The following MAP3K7 variants were observed in gnomAD, a reference collection of about 807,000 sequenced individuals.
MAP3K7 encodes the protein TGF-beta activated kinase 1.
In MAP3K7, 21 loss-of-function variants were observed where a neutral mutation model predicts 84.8. That is an observed-to-expected ratio of 0.25 (90% confidence interval 0.18 to 0.36). The LOEUF (loss-of-function observed/expected upper bound fraction) is 0.36. Among genes scored for constraint, MAP3K7 ranks in the 10% least tolerant of loss-of-function variants. MAP3K7 has a pLI of 1.00. For missense variants in MAP3K7, 503 were observed against 747.7 expected, an observed-to-expected ratio of 0.67 and a Z score of 3.82; for synonymous variants, 241 against 247.7, an observed-to-expected ratio of 0.97 and a Z score of 0.25.
intron 6 of MAP3K7, among the ~76,000 whole-genome samples, chr6:90,555,022 T>C (rs923800542): frequency 6.6e-6 from 1 of 152,238 alleles, no homozygotes. Flanking sequence ...TCTGATTAAC[T>C]GAATGTATCT....
intron 16 of MAP3K7, 21 bp downstream of exon 16, chr6:90,518,426 T>C (rs1251949620): frequency 1.6e-6 from 2 of 1,251,330 alleles, no homozygotes; most frequent in Admixed American, 3.7e-5. Context: ...TTTTTATTTT[T>C]ATTCATAAAA....
intron 13 of MAP3K7, among the ~76,000 whole-genome samples, chr6:90,531,103 T>C (rs1775492210): frequency 6.6e-6 from 1 of 152,164 alleles, no homozygotes; most frequent in Admixed American, 6.5e-5. Context: ...AAAAGAATAC[T>C]AAGCCAAATT....
chr6:90,546,843 G>A (rs1051346228), intron 11 of MAP3K7, among the ~76,000 whole-genome samples: 38 of 152,044 alleles, frequency 2.5e-4, no homozygotes, highest in Non-Finnish European at 5.1e-4. Context: ...ACATGGATCT[G>A]GAATACATTT....
intron 5 of MAP3K7, among the ~76,000 whole-genome samples, chr6:90,557,261 G>T (rs1336674644): frequency 6.6e-6 from 1 of 152,146 alleles, no homozygotes; most frequent in East Asian, 1.9e-4. Context: ...CAGTCACCAA[G>T]TAGCATACTC....
intron 9 of MAP3K7, 23 bp from the exon 10 acceptor site, chr6:90,548,200 T>C: frequency 2.5e-6 from 4 of 1,594,314 alleles, no homozygotes; most frequent in Non-Finnish European, 3.4e-6. Context: ...GAAACATTTA[T>C]GACTAATGGC....
intron 13 of MAP3K7, among the ~76,000 whole-genome samples, chr6:90,533,989 A>T (rs1477394227): frequency 4.0e-5 from 6 of 151,348 alleles, no homozygotes; most frequent in Admixed American, 1.3e-4. Flanking sequence ...TTACACCTAT[A>T]CTTATATCAT....
chr6:90,536,225 C>T (rs1456176957), intron 13 of MAP3K7, 112 bp downstream of exon 13: 4 of 733,212 alleles, frequency 5.5e-6, no homozygotes, highest in East Asian at 5.3e-5. Context: ...ATGAATTTCT[C>T]TATCACAACT....
At chr6:90,564,555 C>T (rs1195089767) in intron 3 of MAP3K7, among the ~76,000 whole-genome samples, 1 of 152,134 alleles carries the variant, frequency 6.6e-6, no homozygotes. Flanking sequence ...TACAGGAGCA[C>T]CCAGATTCAT....
chr6:90,535,228 T>C (rs1419156599), intron 13 of MAP3K7, among the ~76,000 whole-genome samples: 2 of 152,036 alleles, frequency 1.3e-5, no homozygotes, highest in Non-Finnish European at 2.9e-5. Flanking sequence ...TTGATGGGTA[T>C]AAAAGACTTT....
In MAP3K7 at chr6:90,561,018, G is replaced by A. The variant is rs537927809; in HGVS notation, c.343+604C>T. ...TATCCATCACAATGATGAACACATG[G>A]GCAGTAAATATAAGTAAAAGTTTAC... On this transcript the variant is annotated intron_variant, in intron 4 of 16. Coordinates refer to ENST00000369329, the MANE Select transcript of MAP3K7 (RefSeq NM_145331.3). Among the ~76,000 whole-genome samples the A allele has an allele frequency of 1.6e-4, 25 of 151,848 alleles. No individual in the cohort carries two copies. The South Asian group carries it at 4.2e-3, about 25-fold the overall frequency.
chr6:90,525,218 G>T (rs563087622), intron 13 of MAP3K7, among the ~76,000 whole-genome samples: 7 of 151,962 alleles, frequency 4.6e-5, no homozygotes, highest in Admixed American at 1.3e-4. Context: ...AGAAAACCAG[G>T]CAAAAACTAC....
chr6:90,571,694 T>C lies in MAP3K7; in HGVS notation c.231+3A>G. On this transcript the variant is annotated splice_donor_region_variant and intron_variant, in intron 2 of 16. Coordinates refer to ENST00000369329, the MANE Select transcript of MAP3K7 (RefSeq NM_145331.3). ...ACACAAAAGAAATGAAATCTCAACT[T>C]ACCTCTACAATAAACGCTTTCCTCT... 6.5e-7 allele frequency: 1 copy of C among 1,544,088 alleles called. No individual in the cohort carries two copies. The highest frequency in any genetic ancestry group is 8.8e-7 in the Non-Finnish European group (1 of 1,133,380).
intron 13 of MAP3K7, among the ~76,000 whole-genome samples, chr6:90,534,109 CTAAGAT>C (rs957003616): frequency 6.6e-6 from 1 of 152,126 alleles, no homozygotes; most frequent in African/African-American, 2.4e-5. Context: ...AGTGGTTTTA[CTAAGAT>C]TATGTTTTGA....
At chr6:90,533,614 T>C (rs1775576099) in intron 13 of MAP3K7, among the ~76,000 whole-genome samples, 1 of 152,208 alleles carries the variant, frequency 6.6e-6, no homozygotes, top group African/African-American at 2.4e-5. Context: ...AGGTATTTTG[T>C]GGGTGGCACA....
chr6:90,523,569 A>T (rs1775222696), intron 14 of MAP3K7, 109 bp downstream of exon 14: 1 of 599,538 alleles, frequency 1.7e-6, no homozygotes, highest in Non-Finnish European at 2.9e-6. Context: ...ATAAAAATCT[A>T]AACAACAGTA....
chr6:90,571,960 C>T (rs1006491859), intron 1 of MAP3K7, among the ~76,000 whole-genome samples, 153 bp from the exon 2 acceptor site: 1 of 150,158 alleles, frequency 6.7e-6, no homozygotes, highest in Non-Finnish European at 1.5e-5. Flanking sequence ...GGATTTGCCA[C>T]TGAACAAGTA....
At position 90,531,654 on chromosome 6, in the gene MAP3K7, G is replaced by A. The variant is rs538677277; in HGVS notation, c.1356+4683C>T. ...ACATGGTCTTCTACAATAGAAAGGT[G>A]TCTGTTCTCCAACAGAGGCCAGGCA... On this transcript the variant is annotated intron_variant, in intron 13 of 16. Transcript: ENST00000369329. Among the ~76,000 whole-genome samples, 22 of 152,160 alleles carry A rather than the reference G, an allele frequency of 1.4e-4. No homozygotes were observed. In the South Asian group the frequency reaches 4.6e-3, roughly 32 times the overall value.
intron 1 of MAP3K7, among the ~76,000 whole-genome samples, chr6:90,575,913 TAA>T (rs1491358616): frequency 6.6e-6 from 1 of 151,762 alleles, no homozygotes; most frequent in Non-Finnish European, 1.5e-5. Context: ...CAGAAAGAAA[TAA>T]GACAAAGGCT....
intron 12 of MAP3K7, chr6:90,542,618 G>C (rs915291572): frequency 3.0e-6 from 1 of 331,672 alleles, no homozygotes; most frequent in African/African-American, 2.2e-5. Flanking sequence ...AGAAGATCTG[G>C]GTTGGGGTCC....
Sources: allele counts gnomAD v4.1 joint callset (sites outside exome capture counted in the v4.1 genomes callset), GRCh38; gene constraint gnomAD v4.1.1; transcripts MANE v1.5; gene names NCBI Gene and HGNC (gene_info 2026-07-23, HGNC 2026-07-21).